DYRK4: variants seen among roughly 807,000 people sequenced by gnomAD.
DYRK4 encodes dual specificity tyrosine phosphorylation regulated kinase 4, also known as dual specificity tyrosine-phosphorylation-regulated kinase 4.
Under a neutral mutation model 68.3 loss-of-function variants are expected in DYRK4, and 64 were observed. That is an observed-to-expected ratio of 0.94 (90% CI 0.77 to 1.15). The LOEUF (loss-of-function observed/expected upper bound fraction) is 1.15. Among genes scored for constraint, DYRK4 ranks in the 50% most tolerant of loss-of-function variants. DYRK4 has a pLI of 0.00. For synonymous variants in DYRK4, 274 were observed against 289.9 expected (o/e 0.95, Z 0.56); for missense variants, 740 against 764.7 (o/e 0.97, Z 0.38).
chr12:4,586,405 A>G (rs1223695439), intron 2 of DYRK4, among the ~76,000 whole-genome samples: 1 of 152,130 alleles, frequency 6.6e-6, no homozygotes, highest in Non-Finnish European at 1.5e-5. Flanking sequence ...ATTGGCTTAG[A>G]TATAACAATG....
chr12:4,568,804 T>G (rs193124153), intron 2 of DYRK4, among the ~76,000 whole-genome samples: 1 of 152,212 alleles, frequency 6.6e-6, no homozygotes, highest in African/African-American at 2.4e-5. Flanking sequence ...GTGATAACCA[T>G]CTATGGGATC....
chr12:4,612,818 G>A (rs1015763785), intron 14 of DYRK4, 100 bp downstream of exon 14: 4 of 1,291,682 alleles, frequency 3.1e-6, no homozygotes, highest in Admixed American at 1.9e-5. Context: ...CCCCAGTTCT[G>A]TAGTCTGGAA....
chr12:4,583,113 G>A (rs998251039), intron 2 of DYRK4, among the ~76,000 whole-genome samples: 2 of 152,044 alleles, frequency 1.3e-5, no homozygotes, highest in African/African-American at 2.4e-5. Flanking sequence ...GTAAGAAATC[G>A]TAACAATTTG....
At position 4,592,995 on chromosome 12, in the gene DYRK4, C is replaced by G; in HGVS notation, c.464-7C>G. On this transcript the variant is annotated splice_polypyrimidine_tract_variant and splice_region_variant and intron_variant, in intron 5 of 14. Coordinates refer to ENST00000543431, the MANE Select transcript of DYRK4 (RefSeq NM_001394779.1). ...CTGAACTCACAATTGTAGTGTTTTT[C>G]ACACAGAGGCCCTAAAGCTTTTTAA... The G allele has an allele frequency of 6.2e-7, 1 of 1,611,106 alleles. No individual in the cohort carries two copies. Among genetic ancestry groups the G allele is most frequent in the Non-Finnish European group, 8.5e-7 (1 of 1,178,672 alleles).
intron 2 of DYRK4, among the ~76,000 whole-genome samples, chr12:4,575,776 C>G (rs550094773): frequency 2.0e-5 from 3 of 152,230 alleles, no homozygotes; most frequent in East Asian, 3.9e-4. Flanking sequence ...TATTGATTTA[C>G]AGAATATTTT....
intron 10 of DYRK4, among the ~76,000 whole-genome samples, chr12:4,604,674 G>A (rs1342232070): frequency 6.6e-6 from 1 of 152,170 alleles, no homozygotes; most frequent in Non-Finnish European, 1.5e-5. Flanking sequence ...ACTTTCCTAC[G>A]ACAGTGCCCA....
rs377022681 is a variant in DYRK4 at position 4,610,223 on chromosome 12, C to T, written c.1429C>T (p.Leu477Phe). 23 of 1,599,844 alleles carry T rather than the reference C, an allele frequency of 1.4e-5. No homozygotes were observed. The highest frequency in any genetic ancestry group is 1.7e-5 in the Non-Finnish European group (20 of 1,174,480). ...GKKRYPDSKD[L>F]TMVLKTYDTS... ...AAAAAGATACCCAGATTCCAAGGAC[C>T]TCACGATGGTGCTGAAAACCTATGA... The change falls in exon 13 of 15, where the codon CTC (leucine) becomes TTC (phenylalanine). Residue 477 changes from leucine (L) to phenylalanine (F), a missense_variant. By Grantham distance (22) the Leu-to-Phe change is conservative (BLOSUM62 0). Transcript: ENST00000543431.
Position 4,592,885 on chromosome 12 carries a change from CA to C in DYRK4, c.464-116del, listed in dbSNP as rs1446232801. The C allele has an allele frequency of 2.3e-6, 3 of 1,292,372 alleles. No individual in the cohort carries two copies. In the African/African-American group the frequency reaches 4.5e-5, roughly 19 times the overall value. 80.1% of individuals were successfully genotyped at this position (1,292,372 alleles called of 1,614,324 possible). ...GCCAGATGCAGGGTCCTCAGTGAGCCACCCAGCTGGGGAACAGGCTGATGGC... is the reference window on the plus strand; with the variant it reads ...GCCAGATGCAGGGTCCTCAGTGAGCCCCCAGCTGGGGAACAGGCTGATGGC... On this transcript the variant is annotated intron_variant, in intron 5 of 14. Transcript: ENST00000543431.
intron 2 of DYRK4, among the ~76,000 whole-genome samples, chr12:4,578,368 C>T (rs1032263494): frequency 1.3e-5 from 2 of 152,130 alleles, no homozygotes; most frequent in Admixed American, 6.5e-5. Context: ...CATACTCCCT[C>T]TGGCTATGTA....
chr12:4,572,354 T>C (rs914751123), intron 2 of DYRK4, among the ~76,000 whole-genome samples: 3 of 152,140 alleles, frequency 2.0e-5, no homozygotes, highest in African/African-American at 4.8e-5. Context: ...CGATCTTGGC[T>C]CACTGCAAGC....
intron 8 of DYRK4, among the ~76,000 whole-genome samples, chr12:4,597,588 GC>G (rs1945032868): frequency 6.6e-6 from 1 of 152,230 alleles, no homozygotes; most frequent in Non-Finnish European, 1.5e-5. Context: ...GAATCACAGT[GC>G]ACAGTTAGAA....
rs923243003 is a variant in DYRK4 at position 4,563,528 on chromosome 12, A to G, written c.38+1245A>G. 3.9e-5 allele frequency among the ~76,000 whole-genome samples: 6 copies of G among 152,344 alleles called. No homozygotes were observed. The East Asian group carries it at 7.7e-4, about 20-fold the overall frequency. On this transcript the variant is annotated intron_variant, in intron 1 of 14. Transcript: ENST00000543431. ...AGGCTGCATTCATAGAAATGCAATG[A>G]CCACATCAAAGAATATGGTCGTGCT...
At chr12:4,599,001 A>G in intron 8 of DYRK4, 27 bp from the exon 9 acceptor site, 1 of 1,613,454 alleles carries the variant, frequency 6.2e-7, no homozygotes, top group Non-Finnish European at 8.5e-7. Flanking sequence ...TTACACCCAT[A>G]TGCATCACTT....
chr12:4,590,565 G>A (rs1944942626), intron 4 of DYRK4, 125 bp downstream of exon 4: 4 of 1,427,020 alleles, frequency 2.8e-6, no homozygotes, highest in South Asian at 1.6e-5. Context: ...GTGGGTTCTA[G>A]TCCTGTTCTC....
intron 1 of DYRK4, among the ~76,000 whole-genome samples, chr12:4,565,909 G>T (rs956932561): frequency 6.6e-6 from 1 of 152,170 alleles, no homozygotes; most frequent in Non-Finnish European, 1.5e-5. Flanking sequence ...GATTACAGGC[G>T]TGAGCCACCA....
intron 2 of DYRK4, among the ~76,000 whole-genome samples, chr12:4,578,217 T>C (rs918697128): frequency 6.6e-6 from 1 of 152,218 alleles, no homozygotes; most frequent in Non-Finnish European, 1.5e-5. Context: ...TCTTTCATAC[T>C]CTTTCTTTTC....
At chr12:4,606,356 T>C (rs1945151667) in intron 11 of DYRK4, among the ~76,000 whole-genome samples, 1 of 151,996 alleles carries the variant, frequency 6.6e-6, no homozygotes, top group Non-Finnish European at 1.5e-5. Flanking sequence ...TTGCCAAATT[T>C]CTATTTTCCA....
chr12:4,603,518 C>T (rs1056165747), intron 10 of DYRK4: 2 of 232,034 alleles, frequency 8.6e-6, no homozygotes, highest in African/African-American at 4.5e-5. Context: ...CGGCTGGGGT[C>T]ACAGAGACGG....
At chr12:4,572,137 G>A (rs548925374) in intron 2 of DYRK4, among the ~76,000 whole-genome samples, 1 of 152,332 alleles carries the variant, frequency 6.6e-6, no homozygotes, top group East Asian at 1.9e-4. Flanking sequence ...TAAATGCTGA[G>A]AATGGTAATG....
Sources: allele counts gnomAD v4.1 joint callset (sites outside exome capture counted in the v4.1 genomes callset), GRCh38; gene constraint gnomAD v4.1.1; transcripts MANE v1.5; gene names NCBI Gene and HGNC (gene_info 2026-07-23, HGNC 2026-07-21).